The following CDC42BPB variants were observed in gnomAD, a reference collection of about 807,000 sequenced individuals.
The protein encoded by CDC42BPB is serine/threonine-protein kinase MRCK beta.
CDC42BPB carries 37 observed loss-of-function variants against 214.9 expected under a neutral mutation model. The observed-to-expected ratio is 0.17, with a 90% CI of 0.13 to 0.23. The LOEUF (loss-of-function observed/expected upper bound fraction) is 0.23, where lower values mean the gene tolerates loss of function less well. Among genes scored for constraint, CDC42BPB ranks in the 10% least tolerant of loss-of-function variants. The pLI, the probability that CDC42BPB is intolerant of heterozygous loss-of-function variation, is 1.00. For missense variants in CDC42BPB, 1,694 were observed against 2,227.0 expected (o/e 0.76, Z 4.82); for synonymous variants, 931 against 884.0 (o/e 1.05, Z -0.94).
intron 1 of CDC42BPB, among the ~76,000 whole-genome samples, chr14:103,044,481 C>T (rs768919689): frequency 1.8e-4 from 27 of 151,846 alleles, no homozygotes; most frequent in Middle Eastern, 3.4e-3. Flanking sequence ...GCAATTCTCC[C>T]GCCTCAGCCT....
chr14:102,944,372 C>CGACCT lies in CDC42BPB; in HGVS notation c.3926_3927insAGGTC (p.Ser1310GlyfsTer41). The CGACCT allele has an allele frequency of 6.2e-7, 1 of 1,613,188 alleles. No homozygotes were observed. The highest frequency in any genetic ancestry group is 8.5e-7 in the Non-Finnish European group (1 of 1,180,024). On this transcript the variant is annotated frameshift_variant, in exon 30 of 37. Transcript: ENST00000361246. LOFTEE classifies it high-confidence loss of function. The surrounding 1 kb of genome is among the most constrained non-coding windows in gnomAD (Gnocchi z 6.6). ...AGCTGCCTTCCGCTCCATCAAGGGA[C>CGACCT]GACCACGGATAGAGGTGCACATGGT...
intron 5 of CDC42BPB, among the ~76,000 whole-genome samples, chr14:102,992,752 A>T (rs910866149): frequency 1.3e-4 from 19 of 149,712 alleles, no homozygotes; most frequent in Admixed American, 8.7e-4. Flanking sequence ...TATATTCAAA[A>T]ATATATATAT....
At chr14:103,051,154 C>CG (rs1179516926) in intron 1 of CDC42BPB, among the ~76,000 whole-genome samples, 137 of 6,838 alleles carry the variant, frequency 0.02, 4 homozygotes, top group African/African-American at 0.047. Context: ...GTATTTGGGG[C>CG]GGGGGGGCGG....
intron 19 of CDC42BPB, 97 bp from the exon 20 acceptor site, chr14:102,963,252 C>G: frequency 6.7e-7 from 1 of 1,493,932 alleles, no homozygotes; most frequent in East Asian, 2.4e-5. Flanking sequence ...GATTTCTCCC[C>G]AGCACTCAGG....
At chr14:102,995,233 G>A (rs1179324040) in intron 5 of CDC42BPB, among the ~76,000 whole-genome samples, 3 of 151,180 alleles carry the variant, frequency 2.0e-5, no homozygotes, top group Non-Finnish European at 2.9e-5. Flanking sequence ...GGAGTGCAAT[G>A]GCGCGATCTC....
intron 13 of CDC42BPB, among the ~76,000 whole-genome samples, chr14:102,971,150 A>G (rs756080405): frequency 1.3e-5 from 2 of 152,118 alleles, no homozygotes; most frequent in African/African-American, 4.8e-5. Context: ...GTGTAGCAAA[A>G]CGGATTGAAG....
At chr14:103,035,764 CG>C (rs1566918497) in intron 1 of CDC42BPB, among the ~76,000 whole-genome samples, 1 of 151,910 alleles carries the variant, frequency 6.6e-6, no homozygotes, top group East Asian at 1.9e-4. Flanking sequence ...GGCATGAACC[CG>C]GGAGGCGGAG....
At chr14:102,983,043 G>A (rs973506719) in intron 7 of CDC42BPB, among the ~76,000 whole-genome samples, 1 of 152,162 alleles carries the variant, frequency 6.6e-6, no homozygotes, top group Non-Finnish European at 1.5e-5. Context: ...GAAACAGGAT[G>A]GGGAGGATGA....
Position 102,963,049 on chromosome 14 carries a change from A to G in CDC42BPB, c.2821+12T>C, listed in dbSNP as rs1369353977. ...TATTCAAATAATGCAGAATCGCACA[A>G]CATTAATTTACCAGTATCTGCTCTG... On this transcript the variant is annotated intron_variant, in intron 20 of 36. Coordinates refer to ENST00000361246, the MANE Select transcript of CDC42BPB (RefSeq NM_006035.4). 1 of 1,155,132 alleles carries G rather than the reference A, an allele frequency of 8.7e-7. No homozygotes were observed. The highest frequency in any genetic ancestry group is 1.5e-5 in the African/African-American group (1 of 65,492). The allele number at this position is 1,155,132 out of a possible 1,614,324, so 71.6% of individuals were successfully genotyped here. A position where few individuals can be genotyped will look rare whatever the true frequency, so the allele number is the denominator to read the frequency against.
intron 5 of CDC42BPB, among the ~76,000 whole-genome samples, chr14:102,993,703 G>A (rs1894600364): frequency 6.6e-6 from 1 of 152,128 alleles, no homozygotes; most frequent in Admixed American, 6.5e-5. Context: ...ACTCCCTTCT[G>A]TGAGTCACCC....
chr14:102,943,638 T>A lies in CDC42BPB; in HGVS notation c.4408+253A>T, dbSNP rs1892003882. ...GGGCCTATGCCCGCCGACGGGGTCCTCTGCTGAGGCCTCTGGAAGAACCGG... is the reference window on the plus strand; with the variant it reads ...GGGCCTATGCCCGCCGACGGGGTCCACTGCTGAGGCCTCTGGAAGAACCGG... On this transcript the variant is annotated intron_variant, in intron 30 of 36. Coordinates refer to ENST00000361246, the MANE Select transcript of CDC42BPB (RefSeq NM_006035.4). The surrounding 1 kb of genome is among the most constrained non-coding windows in gnomAD (Gnocchi z 4.6). Among the ~76,000 whole-genome samples, 1 of 152,178 alleles carries A rather than the reference T, an allele frequency of 6.6e-6. No individual in the cohort carries two copies. Among genetic ancestry groups the A allele is most frequent in the African/African-American group, 2.4e-5 (1 of 41,454 alleles).
intron 25 of CDC42BPB, among the ~76,000 whole-genome samples, 154 bp downstream of exon 25, chr14:102,950,312 G>A (rs35728112): frequency 1.8e-4 from 27 of 152,366 alleles, no homozygotes; most frequent in Admixed American, 1.8e-3. Flanking sequence ...GCGCCGACCT[G>A]ATGGCCTCAG....
intron 7 of CDC42BPB, among the ~76,000 whole-genome samples, chr14:102,982,724 C>T (rs1011655073): frequency 3.3e-5 from 5 of 152,120 alleles, no homozygotes; most frequent in African/African-American, 1.2e-4. Context: ...TGCACCATTG[C>T]ACTCCAGCCT....
At chr14:103,053,544 G>C (rs555324965) in intron 1 of CDC42BPB, among the ~76,000 whole-genome samples, 1 of 151,724 alleles carries the variant, frequency 6.6e-6, no homozygotes, top group Non-Finnish European at 1.5e-5. Flanking sequence ...GGCAGATCAC[G>C]AGGTCTGGAG....
At chr14:102,982,196 T>C (rs1179379715) in intron 7 of CDC42BPB, among the ~76,000 whole-genome samples, 4 of 152,250 alleles carry the variant, frequency 2.6e-5, no homozygotes, top group Admixed American at 2.0e-4. Flanking sequence ...GAAGTTTTTA[T>C]AGGGGGTATA....
chr14:103,012,732 G>A (rs1474210670), intron 1 of CDC42BPB, among the ~76,000 whole-genome samples: 1 of 152,162 alleles, frequency 6.6e-6, no homozygotes, highest in Non-Finnish European at 1.5e-5. Context: ...TTGAACCTAG[G>A]CGCCGGAGGT....
chr14:102,974,207 TTA>T, intron 11 of CDC42BPB, 58 bp from the exon 12 acceptor site: 1 of 1,582,320 alleles, frequency 6.3e-7, no homozygotes, highest in Admixed American at 2.0e-5. Flanking sequence ...TATGTAAACT[TTA>T]TGTTAGCTGA....
At chr14:102,996,028 G>A (rs1312031703) in intron 5 of CDC42BPB, among the ~76,000 whole-genome samples, 3 of 152,186 alleles carry the variant, frequency 2.0e-5, no homozygotes, top group Non-Finnish European at 1.5e-5. Flanking sequence ...GACGTCAAAC[G>A]ACTGAGCAAA....
At chr14:103,039,799 T>C (rs142633933) in intron 1 of CDC42BPB, among the ~76,000 whole-genome samples, 2 of 152,202 alleles carry the variant, frequency 1.3e-5, no homozygotes, top group Non-Finnish European at 2.9e-5. Flanking sequence ...ATTAAAGGTA[T>C]CCAAGTTGAA....
Sources: allele counts gnomAD v4.1 joint callset (sites outside exome capture counted in the v4.1 genomes callset), GRCh38; gene constraint gnomAD v4.1.1; non-coding constraint Gnocchi (gnomAD v3.1); transcripts MANE v1.5; gene names NCBI Gene and HGNC (gene_info 2026-07-23, HGNC 2026-07-21).